The following OSBPL2 variants were observed in gnomAD, a reference collection of about 807,000 sequenced individuals.
The protein encoded by OSBPL2 is oxysterol-binding protein-related protein 2.
OSBPL2 carries 18 observed loss-of-function variants against 58.4 expected under a neutral mutation model. The observed-to-expected ratio is 0.31, with a 90% CI of 0.21 to 0.46. The LOEUF is 0.46. Ranked by LOEUF, OSBPL2 falls within the 20% of genes least tolerant of loss-of-function variation. The pLI is 1.00. For synonymous variants in OSBPL2, 221 were observed against 234.1 expected, an observed-to-expected ratio of 0.94 and a Z score of 0.51; for missense variants, 461 against 616.5, an observed-to-expected ratio of 0.75 and a Z score of 2.67.
At chr20:62,246,292 T>C (rs1980111475) in intron 1 of OSBPL2, among the ~76,000 whole-genome samples, 1 of 152,204 alleles carries the variant, frequency 6.6e-6, no homozygotes, top group Non-Finnish European at 1.5e-5. Flanking sequence ...TTCAGCTGAT[T>C]AGCATCCAGC....
chr20:62,267,295 C>T (rs1981743892), intron 4 of OSBPL2, among the ~76,000 whole-genome samples: 2 of 152,192 alleles, frequency 1.3e-5, no homozygotes, highest in East Asian at 3.8e-4. Flanking sequence ...CACTAACTCA[C>T]TGGGAGTTGC....
At chr20:62,247,035 AAGG>A (rs1342769613) in intron 1 of OSBPL2, among the ~76,000 whole-genome samples, 6 of 152,198 alleles carry the variant, frequency 3.9e-5, no homozygotes, top group Admixed American at 2.0e-4. Flanking sequence ...TGCTCTGGGG[AAGG>A]AGAAGTCCTG....
Position 62,256,102 on chromosome 20 carries a change from T to G in OSBPL2, c.-83T>G. ...TTTTCCAAGAGAAAGTTTGTAAAAT[T>G]CCTTACACTGTAGATGTGGATCAGA... On this transcript the variant is annotated 5_prime_UTR_variant, in exon 2 of 14. The change creates a new upstream start codon in the 5' untranslated region. Transcript: ENST00000313733. The G allele has an allele frequency of 6.6e-7, 1 of 1,508,496 alleles. No individual in the cohort carries two copies. The highest frequency in any genetic ancestry group is 2.3e-5 in the East Asian group (1 of 43,468). 93.4% of individuals were successfully genotyped at this position (1,508,496 alleles called of 1,614,324 possible).
chr20:62,272,839 T>C (rs913356349), intron 5 of OSBPL2, among the ~76,000 whole-genome samples: 3 of 152,212 alleles, frequency 2.0e-5, no homozygotes, highest in Admixed American at 2.0e-4. Context: ...GAGGCTACAG[T>C]GAGCCACGAT....
chr20:62,245,490 T>C (rs1980045093), intron 1 of OSBPL2, among the ~76,000 whole-genome samples: 1 of 152,162 alleles, frequency 6.6e-6, no homozygotes, highest in Non-Finnish European at 1.5e-5. Context: ...AGAAGAACCA[T>C]ACAGGCCTGA....
At chr20:62,238,930 C>G (rs1383458469) in intron 1 of OSBPL2, 4 of 152,156 alleles carry the variant, frequency 2.6e-5, no homozygotes, top group African/African-American at 9.7e-5. Context: ...GCCCGGCCCC[C>G]CCGAGATCCC....
At chr20:62,252,858 G>C (rs1031391732) in intron 1 of OSBPL2, among the ~76,000 whole-genome samples, 1 of 152,220 alleles carries the variant, frequency 6.6e-6, no homozygotes, top group African/African-American at 2.4e-5. Context: ...TAAAGAAGCA[G>C]ATCTCATGGG....
At chr20:62,246,522 C>T (rs1266850611) in intron 1 of OSBPL2, among the ~76,000 whole-genome samples, 3 of 152,186 alleles carry the variant, frequency 2.0e-5, no homozygotes, top group African/African-American at 7.2e-5. Flanking sequence ...GGCTTCTAGG[C>T]GTCCGGGTGA....
At chr20:62,286,853 C>A (rs981903096) in intron 11 of OSBPL2, 142 bp downstream of exon 11, 61 of 994,082 alleles carry the variant, frequency 6.1e-5, no homozygotes, top group Admixed American at 1.6e-4. Context: ...ACAGGGGCCT[C>A]CGCCATTGTC....
Position 62,249,436 on chromosome 20 carries a change from G to A in OSBPL2, c.-128-6621G>A, listed in dbSNP as rs190442137. ...TCTGAGTGCAAAGTGAGATCTGCGC[G>A]TGGAAGAACATATTCAGGAAATAAA... is the stretch of plus-strand genomic sequence containing the variant. On this transcript the variant is annotated intron_variant, in intron 1 of 13. Transcript: ENST00000313733. 1.7e-3 allele frequency among the ~76,000 whole-genome samples: 266 copies of A among 152,332 alleles called. 1 individual carries two copies. The highest frequency in any genetic ancestry group is 6.1e-3 in the African/African-American group (253 of 41,568).
intron 1 of OSBPL2, among the ~76,000 whole-genome samples, chr20:62,242,874 G>A (rs1473621154): frequency 6.6e-6 from 1 of 152,210 alleles, no homozygotes; most frequent in East Asian, 1.9e-4. Flanking sequence ...ACCAGGCAGG[G>A]AGGACTGTAG....
intron 3 of OSBPL2, among the ~76,000 whole-genome samples, chr20:62,261,769 G>C (rs1445471168): frequency 6.6e-6 from 1 of 152,146 alleles, no homozygotes; most frequent in South Asian, 2.1e-4. Context: ...GTGTATATGT[G>C]TATTTATTGT....
At chr20:62,273,497 C>T (rs1438377054) in intron 6 of OSBPL2, 91 bp downstream of exon 6, 7 of 1,005,956 alleles carry the variant, frequency 7.0e-6, no homozygotes, top group Non-Finnish European at 1.1e-5. Context: ...ATTGATTCCT[C>T]TGCTCTGAGA....
rs766112116 is a variant in OSBPL2, at chr20:62,272,149, A to G, written c.283A>G (p.Ile95Val). Residue 95 changes from isoleucine (I) to valine (V), a missense_variant, in exon 5 of 14, where the codon ATC becomes GTC. Physicochemically the swap from Ile to Val is conservative, Grantham distance 29. Around this residue, in one of 5 missense-constraint regions of OSBPL2, gnomAD observed 38 missense variants for 74.2 expected, o/e 0.51. Transcript: ENST00000313733. ...GGAGCTGTCCAAGATCACGATGCCA[A>G]TCGCCTTCAACGAGCCTCTGAGCTT... ...GLELSKITMP[I>V]AFNEPLSFLQ... 1.1e-5 allele frequency: 17 copies of G among 1,613,726 alleles called. No homozygotes were observed. The highest frequency in any genetic ancestry group is 1.6e-4 in the Middle Eastern group (1 of 6,084).
chr20:62,253,443 A>C (rs1406224930), intron 1 of OSBPL2, among the ~76,000 whole-genome samples: 1 of 152,104 alleles, frequency 6.6e-6, no homozygotes, highest in Admixed American at 6.5e-5. Context: ...TGGTGCTCAG[A>C]TTGTCTCCTC....
At chr20:62,292,453 T>C (rs2379131) in intron 13 of OSBPL2, among the ~76,000 whole-genome samples, 67,296 of 151,940 alleles carry the variant, frequency 0.44, 14,927 homozygotes, top group Middle Eastern at 0.48. Flanking sequence ...TGGCATGGGC[T>C]GCGTGGGCCT....
At chr20:62,253,091 T>G (rs879570838) in intron 1 of OSBPL2, among the ~76,000 whole-genome samples, 16 of 152,208 alleles carry the variant, frequency 1.1e-4, no homozygotes, top group Non-Finnish European at 1.8e-4. Flanking sequence ...AGTGGCAGTG[T>G]CATCTCTCCC....
rs751395577 is a variant in OSBPL2, at chr20:62,293,887, A to AGGGCCTGGAG, written c.*9_*18dup. 3 of 1,613,308 alleles carry AGGGCCTGGAG rather than the reference A, an allele frequency of 1.9e-6. No homozygotes were observed. The highest frequency in any genetic ancestry group is 3.3e-5 in the Admixed American group (2 of 59,902). On this transcript the variant is annotated 3_prime_UTR_variant, in exon 14 of 14. Transcript: ENST00000313733. The stretch of plus-strand genomic sequence containing the variant: ...TCTCCGACTGCCCAGATATCTACTG[A>AGGGCCTGGAG]GGGCCTGGAGGGGCCTGGGGCCCGG...
At chr20:62,252,800 G>A (rs1415023838) in intron 1 of OSBPL2, among the ~76,000 whole-genome samples, 2 of 152,252 alleles carry the variant, frequency 1.3e-5, no homozygotes, top group African/African-American at 2.4e-5. Context: ...AAGGCGAAGC[G>A]GGTGCAGGCG....
Sources: gnomAD v4.1 joint callset for allele counts (sites outside exome capture counted in the v4.1 genomes callset) on GRCh38, gnomAD v4.1.1 for gene constraint, gnomAD v4.1.1 regional missense constraint, MANE v1.5 for transcripts, NCBI Gene and HGNC (gene_info 2026-07-23, HGNC 2026-07-21) for gene names.